Variants in LHCGR observed in about 807,000 individuals in gnomAD.
LHCGR encodes lutropin-choriogonadotropic hormone receptor.
LHCGR carries 55 observed loss-of-function variants against 60.7 expected under a neutral mutation model. The observed-to-expected ratio is 0.91, with a 90% confidence interval of 0.73 to 1.13. The LOEUF is 1.13. Among genes scored for constraint, LHCGR ranks in the 50% most tolerant of loss-of-function variants. The pLI is 0.00. For synonymous variants in LHCGR, 337 were observed against 316.5 expected, an observed-to-expected ratio of 1.06 and a Z score of -0.69; for missense variants, 862 against 836.0, an observed-to-expected ratio of 1.03 and a Z score of -0.38.
chr2:48,743,214 C>G (rs1037320520), intron 1 of LHCGR, among the ~76,000 whole-genome samples: 4 of 151,946 alleles, frequency 2.6e-5, no homozygotes, highest in African/African-American at 9.6e-5. Flanking sequence ...GCTTACCAAC[C>G]AAAAAGAGTC....
Position 48,708,681 on chromosome 2 carries a change from C to G in LHCGR, c.680+267G>C, listed in dbSNP as rs999673429. The G allele has an allele frequency of 1.4e-4, 78 of 567,452 alleles. 1 individual carries two copies. The highest frequency in any genetic ancestry group is 1.3e-3 in the Admixed American group (43 of 32,984). The allele number at this position is 567,452 out of a possible 1,614,324, so 35.2% of individuals were successfully genotyped here. On this transcript the variant is annotated intron_variant, in intron 8 of 10. Transcript: ENST00000294954. ...CTGGAATAGATGCTTTCTTCACAGC[C>G]CTCAGAGGGAGCCAACCCCTGCTGA...
intron 1 of LHCGR, among the ~76,000 whole-genome samples, chr2:48,755,150 T>C (rs1188741160): frequency 6.6e-6 from 1 of 151,846 alleles, no homozygotes; most frequent in Non-Finnish European, 1.5e-5. Context: ...CAAAGGCCTG[T>C]AAGACTTCTC....
At position 48,708,877 on chromosome 2, in the gene LHCGR, T is replaced by C. The variant is rs943677456; in HGVS notation, c.680+71A>G. The C allele has an allele frequency of 1.1e-5, 13 of 1,169,832 alleles. No individual in the cohort carries two copies. The African/African-American group carries it at 2.0e-4, about 18-fold the overall frequency. 72.5% of individuals were successfully genotyped at this position (1,169,832 alleles called of 1,614,324 possible). On this transcript the variant is annotated intron_variant, in intron 8 of 10. Coordinates refer to ENST00000294954, the MANE Select transcript of LHCGR (RefSeq NM_000233.4). ...CTCACATATCAGCTTGGGGATGATG[T>C]GGAGGGACACCCTAAGCAGTCCTGT...
At chr2:48,752,997 T>TGGGGGGGGGGGGGGGGGGG (rs1558909396) in intron 1 of LHCGR, among the ~76,000 whole-genome samples, 9 of 18,458 alleles carry the variant, frequency 4.9e-4, no homozygotes, top group Non-Finnish European at 7.8e-4. Context: ...GGGGGGGGGG[T>TGGGGGGGGGGGGGGGGGGG]GGGGAAGGGA....
At chr2:48,741,602 G>A (rs371847524) in intron 1 of LHCGR, among the ~76,000 whole-genome samples, 1 of 151,724 alleles carries the variant, frequency 6.6e-6, no homozygotes, top group Non-Finnish European at 1.5e-5. Context: ...AGCTTCTTAA[G>A]TGAAGGAGAA....
At chr2:48,754,505 A>G (rs1670117928) in intron 1 of LHCGR, among the ~76,000 whole-genome samples, 1 of 151,658 alleles carries the variant, frequency 6.6e-6, no homozygotes, top group Non-Finnish European at 1.5e-5. Flanking sequence ...TGTAAATCCT[A>G]CACTATAGAA....
chr2:48,687,729 G>C lies in LHCGR; in HGVS notation c.2068C>G (p.Leu690Val). 1 of 1,613,954 alleles carries C rather than the reference G, an allele frequency of 6.2e-7. No individual in the cohort carries two copies. Among genetic ancestry groups the C allele is most frequent in the South Asian group, 1.1e-5 (1 of 91,080 alleles). ...LSTLHCQGTA[L>V]LDKTRYTEC ...TCTGTGTAGCGAGTCTTGTCTAGGA[G>C]AGCTGTACCTTGACAGTGCAATGTG... The change falls in exon 11 of 11, where the codon CTC becomes GTC. Residue 690 changes from leucine to valine, a missense_variant. Physicochemically the swap from Leu to Val is conservative, Grantham distance 32. Transcript: ENST00000294954.
chr2:48,733,804 G>A (rs75288959), intron 1 of LHCGR, among the ~76,000 whole-genome samples: 1,946 of 151,722 alleles, frequency 0.013, 54 homozygotes, highest in African/African-American at 0.044. Context: ...TTTCTGATTC[G>A]TCTTTGATGG....
chr2:48,750,302 T>C (rs1669905244), intron 1 of LHCGR, among the ~76,000 whole-genome samples: 1 of 152,202 alleles, frequency 6.6e-6, no homozygotes, highest in African/African-American at 2.4e-5. Flanking sequence ...GTGGTTTTTG[T>C]TTGCTTTCAG....
intron 10 of LHCGR, among the ~76,000 whole-genome samples, chr2:48,689,121 A>ATACACATATATACATATG (rs2104359273): frequency 1.3e-5 from 2 of 151,114 alleles, no homozygotes; most frequent in South Asian, 4.2e-4. Context: ...ATATACATAT[A>ATACACATATATACATATG]TACACATATA....
chr2:48,746,864 C>T (rs1314298521), intron 1 of LHCGR, among the ~76,000 whole-genome samples: 1 of 152,168 alleles, frequency 6.6e-6, no homozygotes, highest in Non-Finnish European at 1.5e-5. Context: ...ATGTTGGGTT[C>T]TCCCTGGGGA....
chr2:48,733,414 G>A (rs981857587), intron 1 of LHCGR, among the ~76,000 whole-genome samples: 6 of 152,144 alleles, frequency 3.9e-5, no homozygotes, highest in African/African-American at 1.2e-4. Flanking sequence ...AGCAAAGGTC[G>A]GACAGAAGTG....
rs141730738 is a variant in LHCGR at position 48,754,063 on chromosome 2, G to C, written c.161+1448C>G. Among the ~76,000 whole-genome samples the C allele has an allele frequency of 7.9e-5, 12 of 152,252 alleles. No individual in the cohort carries two copies. The East Asian group carries it at 1.7e-3, about 22-fold the overall frequency. On this transcript the variant is annotated intron_variant, in intron 1 of 10. Coordinates refer to ENST00000294954, the MANE Select transcript of LHCGR (RefSeq NM_000233.4). ...TGGCATGCTTGTCAGGGACGGACCA[G>C]GGCTGGAACTTGGAAGGCCTGTTGC...
rs1379571613 is a variant in LHCGR, at chr2:48,691,112, A to G, written c.948-2263T>C. 2.0e-5 allele frequency among the ~76,000 whole-genome samples: 3 copies of G among 152,372 alleles called. No homozygotes were observed. The East Asian group carries it at 5.8e-4, about 29-fold the overall frequency. On this transcript the variant is annotated intron_variant, in intron 10 of 10. Transcript: ENST00000294954. ...GCATAATTTTTGTGTCAAGGCCATT[A>G]CATATATGTATTTATAATACATTTT...
chr2:48,709,161 G>T, intron 7 of LHCGR, 139 bp from the exon 8 acceptor site: 1 of 722,964 alleles, frequency 1.4e-6, no homozygotes, highest in Non-Finnish European at 2.5e-6. Flanking sequence ...TGGAGGGAAA[G>T]TGGGAAAAAG....
chr2:48,707,664 G>C (rs546717756), intron 8 of LHCGR, among the ~76,000 whole-genome samples: 1 of 152,360 alleles, frequency 6.6e-6, no homozygotes, highest in Non-Finnish European at 1.5e-5. Flanking sequence ...CGAACTTCCT[G>C]GCAGCTTTGT....
chr2:48,749,994 G>C (rs1199352799), intron 1 of LHCGR, among the ~76,000 whole-genome samples: 1 of 152,204 alleles, frequency 6.6e-6, no homozygotes, highest in Non-Finnish European at 1.5e-5. Context: ...GAGTTGCCTT[G>C]AGGCATGGCT....
chr2:48,753,764 C>T (rs1430370046), intron 1 of LHCGR, among the ~76,000 whole-genome samples: 2 of 151,934 alleles, frequency 1.3e-5, no homozygotes, highest in African/African-American at 4.8e-5. Context: ...TTCATGCCCC[C>T]AGTGGGAGTT....
intron 1 of LHCGR, among the ~76,000 whole-genome samples, chr2:48,739,115 C>A (rs1401337891): frequency 6.6e-6 from 1 of 152,156 alleles, no homozygotes; most frequent in Non-Finnish European, 1.5e-5. Context: ...CAATGAGATA[C>A]CATCTCATAC....
Sources: allele counts gnomAD v4.1 joint callset (sites outside exome capture counted in the v4.1 genomes callset), GRCh38; gene constraint gnomAD v4.1.1; transcripts MANE v1.5; gene names NCBI Gene and HGNC (gene_info 2026-07-23, HGNC 2026-07-21).